Variants in NFASC observed in about 807,000 individuals in gnomAD.
NFASC encodes the protein neurofascin.
NFASC carries 43 observed loss-of-function variants against 147.5 expected under a neutral mutation model. That is an observed-to-expected ratio of 0.29 (90% CI 0.23 to 0.38). The LOEUF (loss-of-function observed/expected upper bound fraction) is 0.38. NFASC is among the 10% of genes least tolerant of loss of function. The pLI, the probability that NFASC is intolerant of heterozygous loss-of-function variation, is 1.00. For synonymous variants in NFASC, 622 were observed against 665.5 expected (o/e 0.93, Z 1.01); for missense variants, 1,320 against 1,689.0 (o/e 0.78, Z 3.83).
rs556917143 is a variant in NFASC, at chr1:204,911,539, T to C, written c.-199-9093T>C. Among the ~76,000 whole-genome samples the C allele has an allele frequency of 1.8e-4, 27 of 152,350 alleles. No homozygotes were observed. The East Asian group carries it at 5.2e-3, about 29-fold the overall frequency. Reference sequence around the variant, plus strand: ...GGTCTGTTAAGGATTTTTGTGTCTATATCTGTGAGAGATTTATTGGTTAAT... The same window carrying C: ...GGTCTGTTAAGGATTTTTGTGTCTACATCTGTGAGAGATTTATTGGTTAAT... On this transcript the variant is annotated intron_variant, in intron 1 of 29. Coordinates refer to ENST00000339876, the MANE Select transcript of NFASC (RefSeq NM_001005388.3).
At chr1:204,997,934 C>A in intron 25 of NFASC, 1 of 160,334 alleles carries the variant, frequency 6.2e-6, no homozygotes, top group South Asian at 1.8e-4. Context: ...AACCCCTGTC[C>A]CTTCCTTGCC....
intron 25 of NFASC, chr1:204,997,644 C>T (rs2095875977): frequency 1.7e-6 from 1 of 591,186 alleles, no homozygotes; most frequent in Non-Finnish European, 3.0e-6. Context: ...GGTCCTCCAC[C>T]ACTCAGTACC....
rs1316530003 is a variant in NFASC, at chr1:205,017,586, T to C, written c.*1047T>C. On this transcript the variant is annotated 3_prime_UTR_variant, in exon 30 of 30. Transcript: ENST00000339876. ...CACCTGTCCACGTGGCCAGGGCCCA[T>C]GCTGCCACCCTCGAGGAGATGGAAC... 6.6e-6 allele frequency: 1 copy of C among 152,018 alleles called. No individual in the cohort carries two copies. The highest frequency in any genetic ancestry group is 2.4e-5 in the African/African-American group (1 of 41,300). 9.4% of individuals were successfully genotyped at this position (152,018 alleles called of 1,614,324 possible).
chr1:204,944,507 T>C (rs1455690407), intron 3 of NFASC, 101 bp downstream of exon 3: 2 of 913,604 alleles, frequency 2.2e-6, no homozygotes, highest in Admixed American at 3.0e-5. Flanking sequence ...TCCAAGGAGA[T>C]TGAGGAGAGG....
chr1:204,840,798 A>G (rs1675123339), intron 1 of NFASC, among the ~76,000 whole-genome samples: 1 of 152,200 alleles, frequency 6.6e-6, no homozygotes, highest in African/African-American at 2.4e-5. Flanking sequence ...TACCAAATGG[A>G]TGATTATTCC....
intron 2 of NFASC, among the ~76,000 whole-genome samples, chr1:204,934,641 AC>A (rs2092680395): frequency 6.6e-6 from 1 of 152,130 alleles, no homozygotes; most frequent in Non-Finnish European, 1.5e-5. Flanking sequence ...ACTGAAGATG[AC>A]CACAGGGTCT....
rs571212705 is a variant in NFASC, at chr1:204,986,241, G to A, written c.2471-1177G>A. ...TGACTTCTGCGAGGCCTCCAGGAGC[G>A]GATGACCTGCAAGCCGAGCCACTAC... On this transcript the variant is annotated intron_variant, in intron 21 of 29. Transcript: ENST00000339876. The surrounding 1 kb of genome is among the most constrained non-coding windows in gnomAD (Gnocchi z 4.2). 507 of 679,674 alleles carry A rather than the reference G, an allele frequency of 7.5e-4. No individual in the cohort carries two copies. Among genetic ancestry groups the A allele is most frequent in the Non-Finnish European group, 1.0e-3 (401 of 386,560 alleles). The allele number at this position is 679,674 out of a possible 1,614,324, so 42.1% of individuals were successfully genotyped here. A position where few individuals can be genotyped will look rare whatever the true frequency, so the allele number is the denominator to read the frequency against.
intron 27 of NFASC, among the ~76,000 whole-genome samples, chr1:205,004,561 T>C (rs1292036985): frequency 6.6e-6 from 1 of 152,214 alleles, no homozygotes; most frequent in Non-Finnish European, 1.5e-5. Flanking sequence ...TGGAAATTAC[T>C]GTCTGCAAAC....
chr1:204,851,099 A>G (rs2075642839), intron 1 of NFASC, among the ~76,000 whole-genome samples: 1 of 152,214 alleles, frequency 6.6e-6, no homozygotes, highest in Non-Finnish European at 1.5e-5. Context: ...CTGGGAATAA[A>G]CACTATCTAC....
At chr1:204,924,855 C>G (rs2091199641) in intron 2 of NFASC, among the ~76,000 whole-genome samples, 1 of 152,114 alleles carries the variant, frequency 6.6e-6, no homozygotes, top group South Asian at 2.1e-4. Flanking sequence ...GGAGAAAGGG[C>G]CAATCGTTTA....
Position 204,979,146 on chromosome 1 carries a change from C to G in NFASC, c.1978+77C>G. 7.9e-7 allele frequency: 1 copy of G among 1,272,708 alleles called. No homozygotes were observed. The highest frequency in any genetic ancestry group is 1.1e-6 in the Non-Finnish European group (1 of 906,266). The allele number at this position is 1,272,708 out of a possible 1,614,324, so 78.8% of individuals were successfully genotyped here. On this transcript the variant is annotated intron_variant, in intron 18 of 29. Transcript: ENST00000339876. This position sits in a 1 kb window ranked among gnomAD's most constrained non-coding sequence, Gnocchi z 6.0. ...TTAAACCGAAGGCCTTTCCTGGTTT[C>G]CAGCCCCACTTCTGCCTCGCTTGAT... is the stretch of plus-strand genomic sequence containing the variant.
In NFASC at chr1:205,016,843, G is replaced by A. The variant is rs918811135; in HGVS notation, c.*304G>A. On this transcript the variant is annotated 3_prime_UTR_variant, in exon 30 of 30. Transcript: ENST00000339876. The surrounding 1 kb of genome is among the most constrained non-coding windows in gnomAD (Gnocchi z 5.1). ...CCCCGAGCGTTCCACCACACTGTCC[G>A]CCCTTGGCCTCGGCACACGCTCACC... 6 of 468,438 alleles carry A rather than the reference G, an allele frequency of 1.3e-5. No homozygotes were observed. Among genetic ancestry groups the A allele is most frequent in the South Asian group, 2.0e-5 (1 of 49,472 alleles). 29.0% of individuals were successfully genotyped at this position (468,438 alleles called of 1,614,324 possible). A position where few individuals can be genotyped will look rare whatever the true frequency, so the allele number is the denominator to read the frequency against.
chr1:204,870,915 AAAG>A, intron 1 of NFASC: 2 of 1,214,424 alleles, frequency 1.6e-6, no homozygotes, highest in Non-Finnish European at 2.1e-6. Context: ...CTTTCAGGGA[AAAG>A]AAGGATCTTG....
rs771159287 is a variant in NFASC, at chr1:204,988,723, G to A, written c.2684G>A (p.Arg895His). 15 of 1,614,196 alleles carry A rather than the reference G, an allele frequency of 9.3e-6. No homozygotes were observed. The East Asian group carries it at 1.1e-4, about 12-fold the overall frequency. The change falls in exon 23 of 30, where the codon CGC becomes CAC. Residue 895 changes from arginine to histidine, a missense_variant. By Grantham distance (29) the Arg-to-His change is conservative. Around this residue, in one of 3 missense-constraint regions of NFASC, gnomAD observed 981 missense variants for 1,289.5 expected, o/e 0.76. Transcript: ENST00000339876. ...GTGCAAAGAACGGACCCCGTGTCAC[G>A]CTACCGCTTTACCCTCAGCGCCAGG... ...FTVQRTDPVS[R>H]YRFTLSARTQ...
intron 1 of NFASC, among the ~76,000 whole-genome samples, chr1:204,866,398 C>G (rs937033467): frequency 6.6e-6 from 1 of 152,130 alleles, no homozygotes; most frequent in African/African-American, 2.4e-5. Context: ...TGGAGCTATG[C>G]CGAGCCCTTG....
rs776733027 is a variant in NFASC, at chr1:204,944,311, C to T, written c.-5C>T. The T allele has an allele frequency of 2.0e-5, 32 of 1,612,956 alleles. No homozygotes were observed. The South Asian group carries it at 3.1e-4, about 16-fold the overall frequency. On this transcript the variant is annotated 5_prime_UTR_variant, in exon 3 of 30. Coordinates refer to ENST00000339876, the MANE Select transcript of NFASC (RefSeq NM_001005388.3). The stretch of plus-strand genomic sequence containing the variant: ...GGGAGCAGGGAGCAGGGCCAGGTGC[C>T]GAGGATGGCCAGGCAGCCACCGCCG...
intron 5 of NFASC, among the ~76,000 whole-genome samples, chr1:204,952,332 A>G (rs982268877): frequency 6.8e-4 from 104 of 152,140 alleles, no homozygotes; most frequent in African/African-American, 2.1e-3. Context: ...TTCACACCAA[A>G]AGCCAGGACT....
intron 1 of NFASC, among the ~76,000 whole-genome samples, chr1:204,900,605 G>T (rs929330900): frequency 6.6e-6 from 1 of 152,176 alleles, no homozygotes; most frequent in Non-Finnish European, 1.5e-5. Context: ...GGGAAAATAA[G>T]TAAAATATGT....
At position 205,017,465 on chromosome 1, in the gene NFASC, GAGAAGA is replaced by G. The variant is rs917818229; in HGVS notation, c.*928_*933del. The stretch of plus-strand genomic sequence containing the variant: ...TGGGGGCACTGTGCTCACTTCTAGA[GAGAAGA>G]AAAAGGCTGGGTTTGGACTTCATGC... On this transcript the variant is annotated 3_prime_UTR_variant, in exon 30 of 30. Coordinates refer to ENST00000339876, the MANE Select transcript of NFASC (RefSeq NM_001005388.3). The G allele has an allele frequency of 4.6e-5, 7 of 152,704 alleles. No individual in the cohort carries two copies. The allele number at this position is 152,704 out of a possible 1,614,324, so 9.5% of individuals were successfully genotyped here. A position where few individuals can be genotyped will look rare whatever the true frequency, so the allele number is the denominator to read the frequency against.
Sources: allele counts gnomAD v4.1 joint callset (sites outside exome capture counted in the v4.1 genomes callset), GRCh38; gene constraint gnomAD v4.1.1; regional missense constraint gnomAD v4.1.1; non-coding constraint Gnocchi (gnomAD v3.1); transcripts MANE v1.5; gene names NCBI Gene and HGNC (gene_info 2026-07-23, HGNC 2026-07-21).